MYRF: variants seen among roughly 807,000 people sequenced by gnomAD.
The protein encoded by MYRF is myelin regulatory factor.
Under a neutral mutation model 126.3 loss-of-function variants are expected in MYRF, and 16 were observed. That is an observed-to-expected ratio of 0.13 (90% confidence interval 0.09 to 0.19). The LOEUF is 0.19. Ranked by LOEUF, MYRF falls within the 10% of genes least tolerant of loss-of-function variation. The pLI is 1.00. For missense variants in MYRF, 1,104 were observed against 1,547.0 expected, an observed-to-expected ratio of 0.71 and a Z score of 4.80; for synonymous variants, 608 against 635.3, an observed-to-expected ratio of 0.96 and a Z score of 0.65.
At position 61,771,795 on chromosome 11, in the gene MYRF, G is replaced by A. The variant is rs772691521; in HGVS notation, c.992-34G>A. ...TTCAAGGTGGGGTGTGGGACCCAAG[G>A]TGCAGGGCCCACATGGGCGTTCCCT... On this transcript the variant is annotated intron_variant, in intron 6 of 26. Coordinates refer to ENST00000278836, the MANE Select transcript of MYRF (RefSeq NM_001127392.3). The A allele has an allele frequency of 1.1e-5, 17 of 1,613,844 alleles. 1 individual carries two copies. The East Asian group carries it at 3.6e-4, about 34-fold the overall frequency.
At chr11:61,764,526 C>T (rs2065997892) in intron 1 of MYRF, among the ~76,000 whole-genome samples, 1 of 152,226 alleles carries the variant, frequency 6.6e-6, no homozygotes, top group Non-Finnish European at 1.5e-5. Flanking sequence ...CTGAGCTCAA[C>T]AGGAGAGGGC....
chr11:61,775,755 G>A (rs763199143), intron 8 of MYRF, among the ~76,000 whole-genome samples: 20 of 144,774 alleles, frequency 1.4e-4, no homozygotes, highest in Non-Finnish European at 7.4e-5. Context: ...CAGAGGTGGG[G>A]GGAGCGTGTG....
intron 25 of MYRF, chr11:61,784,643 A>C: frequency 2.1e-6 from 1 of 472,934 alleles, no homozygotes; most frequent in Non-Finnish European, 3.9e-6. Flanking sequence ...ACAGGTGCTA[A>C]TGTGGATGAG....
intron 17 of MYRF, 123 bp from the exon 18 acceptor site, chr11:61,780,099 G>A: frequency 7.7e-7 from 1 of 1,297,730 alleles, no homozygotes; most frequent in Non-Finnish European, 1.1e-6. Context: ...CCTCTGGGGT[G>A]ACCCATTTTG....
Position 61,777,423 on chromosome 11 carries a change from A to C in MYRF, c.1750A>C (p.Met584Leu). Residue 584 changes from methionine to leucine, a missense_variant, in exon 12 of 27, where the codon ATG (methionine) becomes CTG (leucine). Physicochemically the swap from Met to Leu is conservative, Grantham distance 15. Coordinates refer to ENST00000278836, the MANE Select transcript of MYRF (RefSeq NM_001127392.3). The surrounding 1 kb of genome is among the most constrained non-coding windows in gnomAD (Gnocchi z 8.8). ...HGNVKVMGSL[M>L]HPSDLRAKEH... ...GAATGTCAAGGTCATGGGCTCGCTT[A>C]TGCACCCCTCCGACCTGCGCGCCAA... is the stretch of plus-strand genomic sequence containing the variant. The C allele has an allele frequency of 6.2e-7, 1 of 1,613,390 alleles. No individual in the cohort carries two copies. Among genetic ancestry groups the C allele is most frequent in the Non-Finnish European group, 8.5e-7 (1 of 1,179,864 alleles).
chr11:61,763,041 G>T (rs147549124), intron 1 of MYRF, among the ~76,000 whole-genome samples: 1 of 152,156 alleles, frequency 6.6e-6, no homozygotes, highest in Non-Finnish European at 1.5e-5. Flanking sequence ...AGAGGAGGGG[G>T]CTGGGTCTGT....
intron 1 of MYRF, among the ~76,000 whole-genome samples, chr11:61,760,516 T>C (rs899718638): frequency 6.6e-6 from 1 of 152,172 alleles, no homozygotes; most frequent in Non-Finnish European, 1.5e-5. Context: ...AGCAGAGTGC[T>C]GACCATGCCT....
chr11:61,779,992 C>A, intron 17 of MYRF, 62 bp downstream of exon 17: 1 of 1,473,204 alleles, frequency 6.8e-7, no homozygotes, highest in Non-Finnish European at 9.4e-7. Flanking sequence ...CCAGTGGAGT[C>A]AGCTGCCCAT....
At chr11:61,760,406 G>C (rs2065867356) in intron 1 of MYRF, among the ~76,000 whole-genome samples, 1 of 152,194 alleles carries the variant, frequency 6.6e-6, no homozygotes, top group East Asian at 1.9e-4. Context: ...GGGGCTGCCA[G>C]GGCAGGCAGG....
At chr11:61,755,802 C>T (rs2065735336) in intron 1 of MYRF, 1 of 511,252 alleles carries the variant, frequency 2.0e-6, no homozygotes, top group African/African-American at 2.0e-5. Flanking sequence ...AACCAGTGTC[C>T]CCCAGAAAGC....
At chr11:61,774,300 C>T in intron 8 of MYRF, 138 bp downstream of exon 8, 3 of 774,260 alleles carry the variant, frequency 3.9e-6, no homozygotes, top group Non-Finnish European at 6.0e-6. Flanking sequence ...AGGCAGATCA[C>T]TTGAGGTCAG....
intron 1 of MYRF, among the ~76,000 whole-genome samples, chr11:61,759,266 CTG>C (rs1413633624): frequency 6.6e-6 from 1 of 152,196 alleles, no homozygotes; most frequent in African/African-American, 2.4e-5. Context: ...CATCTTGGGG[CTG>C]TGAGTTCAGC....
intron 19 of MYRF, 48 bp downstream of exon 19, chr11:61,780,840 T>G: frequency 2.6e-6 from 4 of 1,559,670 alleles, no homozygotes; most frequent in Non-Finnish European, 3.5e-6. Flanking sequence ...CTGCCCCTCT[T>G]CCTGCCTCCC....
chr11:61,779,721 C>G, intron 16 of MYRF, 121 bp from the exon 17 acceptor site: 2 of 1,207,828 alleles, frequency 1.7e-6, no homozygotes, highest in Non-Finnish European at 2.3e-6. Flanking sequence ...TCTTTCTTCT[C>G]CCTTTGCCCC....
At chr11:61,765,281 C>T (rs2135742341) in intron 1 of MYRF, among the ~76,000 whole-genome samples, 1 of 152,328 alleles carries the variant, frequency 6.6e-6, no homozygotes, top group South Asian at 2.1e-4. Context: ...GCACAGTGAC[C>T]CCATTTGACA....
chr11:61,777,595 C>T lies in MYRF; in HGVS notation c.1791+131C>T, dbSNP rs1392726644. On this transcript the variant is annotated intron_variant, in intron 12 of 26. Transcript: ENST00000278836. This position sits in a 1 kb window ranked among gnomAD's most constrained non-coding sequence, Gnocchi z 8.8. ...GGGGAAGGAAGGGAGGGAGGCTGGCCTCGAATCCCGATCTAACCACTCCAG... is the reference window on the plus strand; with the variant it reads ...GGGGAAGGAAGGGAGGGAGGCTGGCTTCGAATCCCGATCTAACCACTCCAG... The T allele has an allele frequency of 7.4e-7, 1 of 1,353,024 alleles. No individual in the cohort carries two copies. The allele number at this position is 1,353,024 out of a possible 1,614,324, so 83.8% of individuals were successfully genotyped here.
At chr11:61,765,914 G>C in intron 2 of MYRF, 44 bp from the exon 3 acceptor site, 1 of 1,468,458 alleles carries the variant, frequency 6.8e-7, no homozygotes, top group Non-Finnish European at 9.0e-7. Context: ...TCCCTGCTGG[G>C]GCTGGGGTCC....
rs1290015959 is a variant in MYRF at position 61,770,474 on chromosome 11, A to G, written c.689A>G (p.His230Arg). ...GGGCTGGTGCCCACTGATCTTCACCACACCCAGCAGTCCCAGATGCTGCAC... is the reference window on the plus strand; with the variant it reads ...GGGCTGGTGCCCACTGATCTTCACCGCACCCAGCAGTCCCAGATGCTGCAC... ...GQGLVPTDLH[H>R]TQQSQMLHQL... The change falls in exon 5 of 27, where the codon CAC becomes CGC. Residue 230 changes from histidine to arginine, a missense_variant. His to Arg is a conservative substitution (Grantham distance 29). Around this residue, in one of 10 missense-constraint regions of MYRF, gnomAD observed 368 missense variants for 403.9 expected, o/e 0.91. Coordinates refer to ENST00000278836, the MANE Select transcript of MYRF (RefSeq NM_001127392.3). The G allele has an allele frequency of 1.3e-6, 2 of 1,563,764 alleles. No individual in the cohort carries two copies. The highest frequency in any genetic ancestry group is 4.8e-5 in the East Asian group (2 of 42,026).
At chr11:61,771,993 C>A (rs376650738) in intron 7 of MYRF, 41 bp downstream of exon 7, 54 of 1,609,236 alleles carry the variant, frequency 3.4e-5, no homozygotes, top group East Asian at 6.7e-5. Context: ...CAGGCCCCCC[C>A]ACCTTGGGAC....
Sources: allele counts gnomAD v4.1 joint callset (sites outside exome capture counted in the v4.1 genomes callset), GRCh38; gene constraint gnomAD v4.1.1; regional missense constraint gnomAD v4.1.1; non-coding constraint Gnocchi (gnomAD v3.1); transcripts MANE v1.5; gene names NCBI Gene and HGNC (gene_info 2026-07-23, HGNC 2026-07-21).